The following ZNF613 variants were observed in gnomAD, a reference collection of about 807,000 sequenced individuals.
The protein encoded by ZNF613 is zinc finger protein 613.
A neutral mutation model predicts 14.3 loss-of-function variants in ZNF613; 8 were observed. The ratio of observed to expected loss-of-function variants is 0.56; its 90% CI spans 0.33 to 1.01. ZNF613 has a LOEUF of 1.01. ZNF613 is among the 50% of genes least tolerant of loss of function. The pLI, the probability that ZNF613 is intolerant of heterozygous loss-of-function variation, is 0.03. For synonymous variants in ZNF613, 228 were observed against 254.5 expected, an observed-to-expected ratio of 0.90 and a Z score of 0.99; for missense variants, 656 against 741.9, an observed-to-expected ratio of 0.88 and a Z score of 1.35.
At chr19:51,939,301 TTTA>T (rs1195662028) in intron 3 of ZNF613, among the ~76,000 whole-genome samples, 1 of 151,514 alleles carries the variant, frequency 6.6e-6, no homozygotes, top group African/African-American at 2.4e-5. Flanking sequence ...TATTTTCTTT[TTTA>T]TTATTTATTT....
rs755005449 is a variant in ZNF613 at position 51,944,327 on chromosome 19, G to A, written c.444G>A (p.Arg148=). Reference sequence around the variant, plus strand: ...TAAGTTTAGTCAACCAGAACAAAAGGTATGAAATCAAGAATTCTGTGGGGG... The same window carrying A: ...TAAGTTTAGTCAACCAGAACAAAAGATATGAAATCAAGAATTCTGTGGGGG... ...SNLSLVNQNK[R]YEIKNSVGVN... The change falls in exon 6 of 6, where the codon AGG becomes AGA. Residue 148 remains arginine (R), a synonymous_variant. Transcript: ENST00000293471. 1.3e-6 allele frequency: 2 copies of A among 1,594,338 alleles called. No individual in the cohort carries two copies. The highest frequency in any genetic ancestry group is 1.7e-6 in the Non-Finnish European group (2 of 1,166,504).
chr19:51,942,539 G>T (rs749333671), intron 5 of ZNF613, among the ~76,000 whole-genome samples: 1 of 152,170 alleles, frequency 6.6e-6, no homozygotes, highest in African/African-American at 2.4e-5. Flanking sequence ...CCCAAGGCAG[G>T]TGTGTGTTTG....
chr19:51,930,346 C>T (rs1279423576), intron 2 of ZNF613, among the ~76,000 whole-genome samples: 1 of 152,080 alleles, frequency 6.6e-6, no homozygotes, highest in Non-Finnish European at 1.5e-5. Flanking sequence ...ACTGCAACCA[C>T]CACCTCCCAA....
rs893641906 is a variant in ZNF613, at chr19:51,945,039, A to G, written c.1156A>G (p.Asn386Asp). The G allele has an allele frequency of 1.2e-6, 2 of 1,614,060 alleles. No individual in the cohort carries two copies. Among genetic ancestry groups the G allele is most frequent in the African/African-American group, 2.7e-5 (2 of 74,926 alleles). Reference sequence around the variant, plus strand: ...TGGAAAAGGCTTCATTCAGAAGGGAAATCTCATTGTACATCAGCGAATTCA... The same window carrying G: ...TGGAAAAGGCTTCATTCAGAAGGGAGATCTCATTGTACATCAGCGAATTCA... ...DCGKGFIQKG[N>D]LIVHQRIHTG... The change falls in exon 6 of 6, where the codon AAT (asparagine) becomes GAT (aspartate). Residue 386 changes from asparagine (N) to aspartate (D), a missense_variant. Transcript: ENST00000293471.
rs376755916 is a variant in ZNF613, at chr19:51,945,105, G to C, written c.1222G>C (p.Gly408Arg). 6.2e-7 allele frequency: 1 copy of C among 1,614,042 alleles called. No homozygotes were observed. Among genetic ancestry groups the C allele is most frequent in the Admixed American group, 1.7e-5 (1 of 59,998 alleles). Residue 408 changes from glycine to arginine, a missense_variant, in exon 6 of 6, where the codon GGC (glycine) becomes CGC (arginine). Coordinates refer to ENST00000293471, the MANE Select transcript of ZNF613 (RefSeq NM_001031721.4). ...CTATATATGCAATGAATGTGGAAAA[G>C]GCTTCATCCAAAAGGGCAACCTCCT... ...KPYICNECGKGFIQKGNLLIH... is the reference protein window; with the variant it reads ...KPYICNECGKRFIQKGNLLIH...
In ZNF613 at chr19:51,927,504, G is replaced by A. The variant is rs1328511713; in HGVS notation, c.-395G>A. ...AGTGGAATAATTCAGGAAAGTGCAG[G>A]TTCTGGGAAGTCTCGGTGGGTTCCC... is the stretch of plus-strand genomic sequence containing the variant. On this transcript the variant is annotated 5_prime_UTR_variant, in exon 1 of 6. Transcript: ENST00000293471. 6.6e-6 allele frequency: 1 copy of A among 152,372 alleles called. No homozygotes were observed. Among genetic ancestry groups the A allele is most frequent in the Non-Finnish European group, 1.5e-5 (1 of 68,184 alleles). The allele number at this position is 152,372 out of a possible 1,614,324, so 9.4% of individuals were successfully genotyped here.
rs748846336 is a variant in ZNF613 at position 51,944,880 on chromosome 19, G to C, written c.997G>C (p.Glu333Gln). ...KAFSKRSRLT[E>Q]HQRTHTGEKP... ...CTTCTCCAAAAGGTCCAGGCTCACT[G>C]AACACCAGAGAACTCATACAGGAGA... The change falls in exon 6 of 6, where the codon GAA becomes CAA. Residue 333 changes from glutamate to glutamine, a missense_variant. Transcript: ENST00000293471. 2.5e-6 allele frequency: 4 copies of C among 1,613,208 alleles called. No individual in the cohort carries two copies. The highest frequency in any genetic ancestry group is 3.4e-6 in the Non-Finnish European group (4 of 1,179,910).
chr19:51,933,484 C>A (rs1330666515), intron 2 of ZNF613, among the ~76,000 whole-genome samples: 1 of 152,138 alleles, frequency 6.6e-6, no homozygotes, highest in Non-Finnish European at 1.5e-5. Flanking sequence ...CACTCTGTCA[C>A]CTAGGCTGGA....
At chr19:51,932,921 C>A (rs1329992110) in intron 2 of ZNF613, among the ~76,000 whole-genome samples, 2 of 152,074 alleles carry the variant, frequency 1.3e-5, no homozygotes, top group African/African-American at 4.8e-5. Context: ...TCAAAGCAAT[C>A]CTCCTGCCTT....
rs112932069 is a variant in ZNF613, at chr19:51,935,944, G to A, written c.-193-84G>A. 1,159 of 371,352 alleles carry A rather than the reference G, an allele frequency of 3.1e-3. 10 individuals carry two copies. Among genetic ancestry groups the A allele is most frequent in the African/African-American group, 0.021 (997 of 48,122 alleles). 23.0% of individuals were successfully genotyped at this position (371,352 alleles called of 1,614,324 possible). A position where few individuals can be genotyped will look rare whatever the true frequency, so the allele number is the denominator to read the frequency against. On this transcript the variant is annotated intron_variant, in intron 2 of 5. Coordinates refer to ENST00000293471, the MANE Select transcript of ZNF613 (RefSeq NM_001031721.4). ...CCAAATAAAGGGACAGTTAGAGATG[G>A]CCTTGCATTAAGGTGAGAACACAGC...
At chr19:51,942,097 C>A (rs571510580) in intron 5 of ZNF613, among the ~76,000 whole-genome samples, 1 of 152,192 alleles carries the variant, frequency 6.6e-6, no homozygotes, top group African/African-American at 2.4e-5. Context: ...AGTTGAATCA[C>A]CATGATATGG....
rs1383855754 is a variant in ZNF613, at chr19:51,927,481, T to C, written c.-418T>C. 6.6e-6 allele frequency: 1 copy of C among 151,184 alleles called. No homozygotes were observed. The highest frequency in any genetic ancestry group is 1.5e-5 in the Non-Finnish European group (1 of 68,094). The allele number at this position is 151,184 out of a possible 1,614,324, so 9.4% of individuals were successfully genotyped here. On this transcript the variant is annotated 5_prime_UTR_variant, in exon 1 of 6. Coordinates refer to ENST00000293471, the MANE Select transcript of ZNF613 (RefSeq NM_001031721.4). Reference sequence around the variant, plus strand: ...TGGAGGCTGGGGGAGGGCCCAGAAGTGGAATAATTCAGGAAAGTGCAGGTT... The same window carrying C: ...TGGAGGCTGGGGGAGGGCCCAGAAGCGGAATAATTCAGGAAAGTGCAGGTT...
Position 51,945,857 on chromosome 19 carries a change from T to G in ZNF613, c.*120T>G. The G allele has an allele frequency of 9.1e-7, 1 of 1,094,018 alleles. No homozygotes were observed. Among genetic ancestry groups the G allele is most frequent in the Non-Finnish European group, 1.3e-6 (1 of 761,860 alleles). The allele number at this position is 1,094,018 out of a possible 1,614,324, so 67.8% of individuals were successfully genotyped here. On this transcript the variant is annotated 3_prime_UTR_variant, in exon 6 of 6. Transcript: ENST00000293471. Reference sequence around the variant, plus strand: ...GGTGGAAAGCCCTTGAATAAAACCTTATGGCTAATAAGCATATACTCAGAG... The same window carrying G: ...GGTGGAAAGCCCTTGAATAAAACCTGATGGCTAATAAGCATATACTCAGAG...
chr19:51,937,729 T>C lies in ZNF613; in HGVS notation c.15+1494T>C, dbSNP rs796842176. Among the ~76,000 whole-genome samples the C allele has an allele frequency of 3.5e-5, 4 of 114,238 alleles. No homozygotes were observed. In the East Asian group the frequency reaches 6.4e-4, roughly 18 times the overall value. 74.9% of individuals were successfully genotyped at this position (114,238 alleles called of 152,430 possible). ...GTGACAGATGATGTCTTTTTTCTTT[T>C]TTTTTTTTTTTTTTTTTTGAGATAG... On this transcript the variant is annotated intron_variant, in intron 3 of 5. Coordinates refer to ENST00000293471, the MANE Select transcript of ZNF613 (RefSeq NM_001031721.4).
intron 5 of ZNF613, among the ~76,000 whole-genome samples, chr19:51,942,324 T>C (rs903078339): frequency 4.6e-5 from 7 of 152,304 alleles, no homozygotes; most frequent in African/African-American, 1.7e-4. Flanking sequence ...GATTACCTGC[T>C]AAAAGGAAGA....
intron 2 of ZNF613, among the ~76,000 whole-genome samples, chr19:51,933,612 C>T (rs971102783): frequency 4.0e-5 from 6 of 151,896 alleles, no homozygotes; most frequent in Non-Finnish European, 7.4e-5. Context: ...CTCAGCTAAA[C>T]AAAATTATTT....
intron 2 of ZNF613, among the ~76,000 whole-genome samples, chr19:51,933,594 C>CCACT (rs1301858582): frequency 6.6e-6 from 1 of 151,772 alleles, no homozygotes; most frequent in African/African-American, 2.4e-5. Flanking sequence ...CAGGCATGAG[C>CCACT]CACTGCACTC....
rs898189770 is a variant in ZNF613 at position 51,946,469 on chromosome 19, T to G, written c.*732T>G. ...TATATGATTAGCTCTTGTGTTTCTT[T>G]GATTCCAAATTTCTTCACTTGTTAT... is the stretch of plus-strand genomic sequence containing the variant. On this transcript the variant is annotated 3_prime_UTR_variant, in exon 6 of 6. Coordinates refer to ENST00000293471, the MANE Select transcript of ZNF613 (RefSeq NM_001031721.4). The G allele has an allele frequency of 3.9e-5, 6 of 152,266 alleles. No individual in the cohort carries two copies. The highest frequency in any genetic ancestry group is 1.2e-4 in the African/African-American group (5 of 41,468). 9.4% of individuals were successfully genotyped at this position (152,266 alleles called of 1,614,324 possible).
intron 3 of ZNF613, among the ~76,000 whole-genome samples, chr19:51,939,991 A>G (rs1355893340): frequency 6.6e-6 from 1 of 152,164 alleles, no homozygotes; most frequent in African/African-American, 2.4e-5. Flanking sequence ...ATAGATAATT[A>G]CACAATTACA....
Sources: allele counts gnomAD v4.1 joint callset (sites outside exome capture counted in the v4.1 genomes callset), GRCh38; gene constraint gnomAD v4.1.1; transcripts MANE v1.5; gene names NCBI Gene and HGNC (gene_info 2026-07-23, HGNC 2026-07-21).